KCNJ3: variants seen among roughly 807,000 people sequenced by gnomAD.
The protein encoded by KCNJ3 is potassium inwardly rectifying channel subfamily J member 3.
Under a neutral mutation model 39.2 loss-of-function variants are expected in KCNJ3, and 4 were observed. The ratio of observed to expected loss-of-function variants is 0.10; its 90% CI spans 0.05 to 0.23. The LOEUF (loss-of-function observed/expected upper bound fraction) is 0.23, where lower values mean the gene tolerates loss of function less well. KCNJ3 is among the 10% of genes least tolerant of loss of function. KCNJ3 has a pLI of 1.00. For synonymous variants in KCNJ3, 230 were observed against 237.4 expected, an observed-to-expected ratio of 0.97 and a Z score of 0.29; for missense variants, 276 against 634.9, an observed-to-expected ratio of 0.43 and a Z score of 6.08.
intron 2 of KCNJ3, among the ~76,000 whole-genome samples, chr2:154,737,058 G>T: frequency 6.6e-6 from 1 of 152,108 alleles, no homozygotes; most frequent in Admixed American, 6.6e-5. Context: ...TCTTCACCTG[G>T]GGACTGATCA....
intron 2 of KCNJ3, among the ~76,000 whole-genome samples, chr2:154,744,617 A>G (rs1357311355): frequency 2.0e-5 from 3 of 151,736 alleles, no homozygotes; most frequent in Non-Finnish European, 4.4e-5. Flanking sequence ...GTAGAGTTGT[A>G]TATTGTATTC....
intron 2 of KCNJ3, among the ~76,000 whole-genome samples, chr2:154,845,970 A>AG (rs954993425): frequency 9.3e-6 from 1 of 107,648 alleles, no homozygotes; most frequent in African/African-American, 3.0e-5. Context: ...ACTCTGTCTC[A>AG]GAAAAAAAAA....
chr2:154,700,365 GAAGTCCT>G (rs1684867055), intron 1 of KCNJ3, among the ~76,000 whole-genome samples: 1 of 152,190 alleles, frequency 6.6e-6, no homozygotes, highest in African/African-American at 2.4e-5. Context: ...ACAAACAAGA[GAAGTCCT>G]TCTTAATCAC....
chr2:154,753,365 A>T (rs1387688280), intron 2 of KCNJ3, among the ~76,000 whole-genome samples: 1 of 152,148 alleles, frequency 6.6e-6, no homozygotes, highest in African/African-American at 2.4e-5. Flanking sequence ...TACTAACGTT[A>T]GGAAAAATGT....
At chr2:154,735,172 C>T (rs747996277) in intron 2 of KCNJ3, among the ~76,000 whole-genome samples, 3 of 151,838 alleles carry the variant, frequency 2.0e-5, no homozygotes, top group Non-Finnish European at 4.4e-5. Context: ...CTGCAAGCTC[C>T]GCCTCCCAGG....
chr2:154,757,078 TTA>T (rs146053639), intron 2 of KCNJ3, among the ~76,000 whole-genome samples: 11 of 151,702 alleles, frequency 7.3e-5, no homozygotes, highest in African/African-American at 2.2e-4. Flanking sequence ...TGTCAAAGTA[TTA>T]TATATATATA....
intron 2 of KCNJ3, among the ~76,000 whole-genome samples, chr2:154,829,934 T>C (rs764803262): frequency 7.9e-5 from 12 of 152,294 alleles, no homozygotes; most frequent in Middle Eastern, 3.4e-3. Flanking sequence ...ATATCTTCTT[T>C]GGAAAAGTCC....
At chr2:154,839,524 T>C (rs1404395327) in intron 2 of KCNJ3, among the ~76,000 whole-genome samples, 1 of 152,208 alleles carries the variant, frequency 6.6e-6, no homozygotes, top group Non-Finnish European at 1.5e-5. Flanking sequence ...TCTTCCACAA[T>C]GGTTGAACTA....
chr2:154,838,605 T>TAA (rs1405331162), intron 2 of KCNJ3, among the ~76,000 whole-genome samples: 1 of 152,220 alleles, frequency 6.6e-6, no homozygotes, highest in East Asian at 1.9e-4. Flanking sequence ...ATTGTAATGG[T>TAA]AAGTTAGAAC....
intron 2 of KCNJ3, among the ~76,000 whole-genome samples, chr2:154,781,326 C>T (rs965311213): frequency 1.3e-5 from 2 of 152,172 alleles, no homozygotes. Flanking sequence ...AATTAATTCA[C>T]TCTGGAACAG....
At chr2:154,805,458 T>G (rs558809967) in intron 2 of KCNJ3, among the ~76,000 whole-genome samples, 28 of 152,056 alleles carry the variant, frequency 1.8e-4, no homozygotes, top group African/African-American at 6.5e-4. Flanking sequence ...TGCTTTTCTC[T>G]CCTTCTGGTT....
chr2:154,823,315 C>T (rs1574475461), intron 2 of KCNJ3, among the ~76,000 whole-genome samples: 1 of 149,370 alleles, frequency 6.7e-6, no homozygotes, highest in Non-Finnish European at 1.5e-5. Context: ...ATTAGAAGGG[C>T]AGAAGGAGAT....
At chr2:154,743,069 C>T (rs1685679026) in intron 2 of KCNJ3, among the ~76,000 whole-genome samples, 2 of 151,746 alleles carry the variant, frequency 1.3e-5, no homozygotes, top group South Asian at 4.1e-4. Flanking sequence ...AATTCAACTT[C>T]ATTCTTTTAC....
chr2:154,781,800 G>T (rs1356273566), intron 2 of KCNJ3, among the ~76,000 whole-genome samples: 1 of 152,154 alleles, frequency 6.6e-6, no homozygotes, highest in Non-Finnish European at 1.5e-5. Context: ...TGATGTAAAT[G>T]TGGAGTATAT....
Position 154,805,232 on chromosome 2 carries a change from G to A in KCNJ3, c.920-49495G>A, listed in dbSNP as rs143203786. Among the ~76,000 whole-genome samples, 449 of 152,178 alleles carry A rather than the reference G, an allele frequency of 3.0e-3. 4 individuals carry two copies. The highest frequency in any genetic ancestry group is 0.01 in the African/African-American group (435 of 41,558). ...ATTGTGACCTAACAGACTAAAGGGA[G>A]GGCTAATTTGAGGCAAGATAATTTC... is the stretch of plus-strand genomic sequence containing the variant. On this transcript the variant is annotated intron_variant, in intron 2 of 2. Coordinates refer to ENST00000295101, the MANE Select transcript of KCNJ3 (RefSeq NM_002239.4).
At chr2:154,702,394 CT>C (rs1241700599) in intron 1 of KCNJ3, among the ~76,000 whole-genome samples, 2 of 151,796 alleles carry the variant, frequency 1.3e-5, no homozygotes, top group Non-Finnish European at 2.9e-5. Context: ...TGTAAAACTT[CT>C]ATTTAATAAT....
chr2:154,849,848 G>A (rs1283246194), intron 2 of KCNJ3, among the ~76,000 whole-genome samples: 1 of 152,030 alleles, frequency 6.6e-6, no homozygotes, highest in Admixed American at 6.6e-5. Context: ...GTTCAGTTTA[G>A]AGGCAGAATC....
intron 2 of KCNJ3, among the ~76,000 whole-genome samples, chr2:154,754,465 G>T (rs1030168599): frequency 2.5e-4 from 38 of 152,094 alleles, no homozygotes; most frequent in African/African-American, 8.5e-4. Flanking sequence ...AGTAGAGATG[G>T]GGTTTCACTG....
intron 2 of KCNJ3, among the ~76,000 whole-genome samples, chr2:154,794,119 T>C (rs2105212247): frequency 6.6e-6 from 1 of 152,036 alleles, no homozygotes; most frequent in African/African-American, 2.4e-5. Flanking sequence ...CAGATTAATA[T>C]ATTCTATAAT....
Sources: allele counts gnomAD v4.1 joint callset (sites outside exome capture counted in the v4.1 genomes callset), GRCh38; gene constraint gnomAD v4.1.1; transcripts MANE v1.5; gene names NCBI Gene and HGNC (gene_info 2026-07-23, HGNC 2026-07-21).